DLG2: variants seen among roughly 807,000 people sequenced by gnomAD.
The protein encoded by DLG2 is discs large MAGUK scaffold protein 2, also known as disks large homolog 2.
Under a neutral mutation model 132.5 loss-of-function variants are expected in DLG2, and 45 were observed. The observed-to-expected ratio is 0.34, with a 90% CI of 0.27 to 0.44. The LOEUF is 0.44. DLG2 is among the 20% of genes least tolerant of loss of function. The probability of loss-of-function intolerance (pLI) is 1.00; values close to 1 mark genes in which losing one functional copy is unlikely to be tolerated. For synonymous variants in DLG2, 424 were observed against 419.6 expected, an observed-to-expected ratio of 1.01 and a Z score of -0.13; for missense variants, 1,045 against 1,196.9, an observed-to-expected ratio of 0.87 and a Z score of 1.87.
At chr11:84,469,770 T>C (rs2099103936) in intron 7 of DLG2, among the ~76,000 whole-genome samples, 1 of 151,156 alleles carries the variant, frequency 6.6e-6, no homozygotes, top group Non-Finnish European at 1.5e-5. Flanking sequence ...TGGGTAGAAC[T>C]CTATGGAAAG....
At chr11:84,505,461 A>G (rs2099236430) in intron 7 of DLG2, among the ~76,000 whole-genome samples, 1 of 152,200 alleles carries the variant, frequency 6.6e-6, no homozygotes. Flanking sequence ...GACCTAGTAA[A>G]AATCACTGCA....
intron 7 of DLG2, among the ~76,000 whole-genome samples, chr11:84,408,161 G>A (rs1292835635): frequency 1.3e-5 from 2 of 152,072 alleles, no homozygotes; most frequent in Non-Finnish European, 2.9e-5. Flanking sequence ...TTAAAAGAAG[G>A]AAATAAATCA....
rs1056167686 is a variant in DLG2 at position 85,134,684 on chromosome 11, T to A, written c.282+19872A>T. Among the ~76,000 whole-genome samples the A allele has an allele frequency of 3.9e-5, 6 of 151,984 alleles. No individual in the cohort carries two copies. In the South Asian group the frequency reaches 1.2e-3, roughly 31 times the overall value. Reference sequence around the variant, plus strand: ...CTCCTGATTGCTAAATAAATGAATGTCTCAGAAACTGACATGTCATTATTT... The same window carrying A: ...CTCCTGATTGCTAAATAAATGAATGACTCAGAAACTGACATGTCATTATTT... On this transcript the variant is annotated intron_variant, in intron 5 of 27. Transcript: ENST00000376104.
chr11:85,603,015 G>A (rs568722225), intron 2 of DLG2, among the ~76,000 whole-genome samples: 1 of 152,190 alleles, frequency 6.6e-6, no homozygotes, highest in South Asian at 2.1e-4. Context: ...AAGAGATGGA[G>A]GAGGACATTG....
chr11:84,858,737 A>G (rs2154027280), intron 6 of DLG2, among the ~76,000 whole-genome samples: 1 of 152,278 alleles, frequency 6.6e-6, no homozygotes, highest in South Asian at 2.1e-4. Flanking sequence ...GTACTCAAAC[A>G]AAAAGAAACA....
intron 6 of DLG2, among the ~76,000 whole-genome samples, chr11:84,863,323 G>A (rs906411374): frequency 2.6e-4 from 39 of 152,016 alleles, no homozygotes; most frequent in African/African-American, 9.2e-4. Flanking sequence ...TTCCCTATTT[G>A]AGGAAGTTTG....
At chr11:83,986,598 T>A (rs2093335274) in intron 11 of DLG2, among the ~76,000 whole-genome samples, 1 of 151,748 alleles carries the variant, frequency 6.6e-6, no homozygotes, top group South Asian at 2.1e-4. Flanking sequence ...CTGGGTCAAA[T>A]GGTATTTCTA....
At chr11:84,140,040 C>G (rs1403519930) in intron 9 of DLG2, among the ~76,000 whole-genome samples, 1 of 151,842 alleles carries the variant, frequency 6.6e-6, no homozygotes. Context: ...AATCAATGAC[C>G]ATATTTTGAC....
chr11:84,631,014 T>TCA (rs1276421668), intron 6 of DLG2, among the ~76,000 whole-genome samples: 6 of 128,268 alleles, frequency 4.7e-5, no homozygotes, highest in Admixed American at 7.6e-5. Flanking sequence ...TCTCTCTCTC[T>TCA]CTCTCACACA....
chr11:84,578,169 G>A (rs1326704464), intron 6 of DLG2, among the ~76,000 whole-genome samples: 3 of 152,146 alleles, frequency 2.0e-5, no homozygotes, highest in African/African-American at 7.2e-5. Flanking sequence ...GCATGGACGG[G>A]GCCCTCATAG....
chr11:84,537,346 T>C (rs1361949501), intron 6 of DLG2, among the ~76,000 whole-genome samples: 6 of 152,130 alleles, frequency 3.9e-5, no homozygotes, highest in African/African-American at 1.2e-4. Flanking sequence ...CCGCAGGTGA[T>C]CCGTCCACCT....
intron 11 of DLG2, among the ~76,000 whole-genome samples, chr11:83,981,881 G>A (rs1157320335): frequency 6.6e-6 from 1 of 152,126 alleles, no homozygotes; most frequent in Non-Finnish European, 1.5e-5. Context: ...ATTAAACTAT[G>A]AAGCAATAAC....
intron 6 of DLG2, among the ~76,000 whole-genome samples, chr11:84,704,402 C>T (rs374564861): frequency 6.6e-6 from 1 of 151,454 alleles, no homozygotes; most frequent in African/African-American, 2.4e-5. Flanking sequence ...CAGCTTAGCC[C>T]ATTTAGCTCT....
chr11:83,894,292 T>C (rs558817087), intron 15 of DLG2, among the ~76,000 whole-genome samples: 1 of 152,088 alleles, frequency 6.6e-6, no homozygotes, highest in African/African-American at 2.4e-5. Flanking sequence ...TATAGAGAGA[T>C]ACATAAGTAA....
At chr11:85,519,204 G>T (rs1173692560) in intron 3 of DLG2, among the ~76,000 whole-genome samples, 3 of 152,128 alleles carry the variant, frequency 2.0e-5, no homozygotes, top group Admixed American at 6.5e-5. Context: ...ATCCCAGAAT[G>T]GTAGATCCAC....
At chr11:85,074,987 T>C (rs541523498) in intron 6 of DLG2, among the ~76,000 whole-genome samples, 1 of 151,870 alleles carries the variant, frequency 6.6e-6, no homozygotes, top group Non-Finnish European at 1.5e-5. Flanking sequence ...TTTACTAAAT[T>C]AGAACTAAAA....
intron 7 of DLG2, among the ~76,000 whole-genome samples, chr11:84,436,329 C>T (rs1286215582): frequency 6.6e-6 from 1 of 152,140 alleles, no homozygotes; most frequent in East Asian, 1.9e-4. Flanking sequence ...TGGTTCATCA[C>T]TGGATTCTTG....
intron 4 of DLG2, among the ~76,000 whole-genome samples, chr11:85,222,172 G>T (rs2074690832): frequency 6.6e-6 from 1 of 151,922 alleles, no homozygotes; most frequent in African/African-American, 2.4e-5. Flanking sequence ...TACCACGTTG[G>T]CCAGGCTGGT....
At chr11:85,031,228 G>C (rs747813075) in intron 6 of DLG2, among the ~76,000 whole-genome samples, 16 of 151,954 alleles carry the variant, frequency 1.1e-4, no homozygotes, top group Admixed American at 2.6e-4. Flanking sequence ...TAACCAGATA[G>C]TAATAGTCCA....
Sources: gnomAD v4.1 joint callset for allele counts (sites outside exome capture counted in the v4.1 genomes callset) on GRCh38, gnomAD v4.1.1 for gene constraint, MANE v1.5 for transcripts, NCBI Gene and HGNC (gene_info 2026-07-23, HGNC 2026-07-21) for gene names.